Variants in TSPAN16 observed in about 807,000 individuals in gnomAD.
TSPAN16 encodes the protein tetraspanin-16.
TSPAN16 carries 23 observed loss-of-function variants against 25.2 expected under a neutral mutation model. The observed-to-expected ratio is 0.91, with a 90% CI of 0.66 to 1.29. The LOEUF is 1.29. Ranked by LOEUF, TSPAN16 falls within the 50% of genes most tolerant of loss-of-function variation. TSPAN16 has a pLI of 0.00. For missense variants in TSPAN16, 272 were observed against 299.9 expected, an observed-to-expected ratio of 0.91 and a Z score of 0.69; for synonymous variants, 123 against 124.4, an observed-to-expected ratio of 0.99 and a Z score of 0.08.
At chr19:11,309,591 C>G (rs916458280) in intron 5 of TSPAN16, among the ~76,000 whole-genome samples, 4 of 152,194 alleles carry the variant, frequency 2.6e-5, no homozygotes, top group Non-Finnish European at 5.9e-5. Context: ...TTCTGACTTC[C>G]CATCTATAAA....
Position 11,315,675 on chromosome 19 carries a change from A to T in TSPAN16, c.688-116A>T, listed in dbSNP as rs2080741973. 3 of 802,376 alleles carry T rather than the reference A, an allele frequency of 3.7e-6. No homozygotes were observed. The African/African-American group carries it at 5.4e-5, about 14-fold the overall frequency. The allele number at this position is 802,376 out of a possible 1,614,324, so 49.7% of individuals were successfully genotyped here. A position where few individuals can be genotyped will look rare whatever the true frequency, so the allele number is the denominator to read the frequency against. ...AGGCGGTTCTTCAGCCATCTGTAAA[A>T]CCCTGCCCCTCGCCTTTCTGGAACA... On this transcript the variant is annotated intron_variant, in intron 6 of 6. Transcript: ENST00000590327.
chr19:11,324,982 A>G, intron 6 of TSPAN16: 1 of 157,988 alleles, frequency 6.3e-6, no homozygotes, highest in Non-Finnish European at 1.4e-5. Flanking sequence ...GAGGAAGATG[A>G]ACCATCTTCC....
Position 11,298,339 on chromosome 19 carries a change from TG to T in TSPAN16, c.267+1del, listed in dbSNP as rs780909523. 44 of 1,613,518 alleles carry T rather than the reference TG, an allele frequency of 2.7e-5. No homozygotes were observed. In the South Asian group the frequency reaches 4.5e-4, roughly 17 times the overall value. On this transcript the variant is annotated splice_donor_variant, in intron 2 of 6. Transcript: ENST00000590327. LOFTEE classifies it high-confidence loss of function. ...AAGAGAGCAGAGGCACGCTCTTGTTTGTAAGTTGGATCTGCACACAGACCCC... is the reference window on the plus strand; with the variant it reads ...AAGAGAGCAGAGGCACGCTCTTGTTTTAAGTTGGATCTGCACACAGACCCC...
At chr19:11,325,348 C>T (rs1355279640) in intron 6 of TSPAN16, 21 of 1,244,516 alleles carry the variant, frequency 1.7e-5, no homozygotes, top group Non-Finnish European at 2.1e-5. Flanking sequence ...GCCTCGATCA[C>T]AGTCCCTGCC....
chr19:11,305,858 C>T (rs1599336835), intron 4 of TSPAN16, among the ~76,000 whole-genome samples: 1 of 152,200 alleles, frequency 6.6e-6, no homozygotes, highest in East Asian at 1.9e-4. Context: ...CCATTACTGA[C>T]ATGTGAATGA....
downstream of TSPAN16, among the ~76,000 whole-genome samples, chr19:11,319,588 ACT>A (rs1473138660): frequency 3.3e-5 from 5 of 151,690 alleles, no homozygotes; most frequent in East Asian, 2.0e-4. Flanking sequence ...ACAGAGCGAG[ACT>A]CTGTCTCAAA....
Position 11,296,337 on chromosome 19 carries a change from C to T in TSPAN16, c.40C>T (p.Leu14=). The part of the protein sequence containing the change: ...IHTPYSSLKK[L]LSLLNGFVAV... The stretch of plus-strand genomic sequence containing the variant: ...CACTCCGTATTCTTCCTTGAAGAAA[C>T]TGTTATCTTTACTCAATGGCTTCGT... The change falls in exon 1 of 7, where the codon CTG becomes TTG. Residue 14 remains leucine, a synonymous_variant. Transcript: ENST00000590327. 1 of 1,614,178 alleles carries T rather than the reference C, an allele frequency of 6.2e-7. No individual in the cohort carries two copies. Among genetic ancestry groups the T allele is most frequent in the Non-Finnish European group, 8.5e-7 (1 of 1,180,032 alleles).
intron 6 of TSPAN16, among the ~76,000 whole-genome samples, chr19:11,321,631 T>A (rs2080780216): frequency 6.6e-6 from 1 of 151,674 alleles, no homozygotes; most frequent in Non-Finnish European, 1.5e-5. Context: ...TAGGCCAGAG[T>A]GGCCGGAGGG....
chr19:11,318,304 T>C (rs1205255686), downstream of TSPAN16, among the ~76,000 whole-genome samples: 1 of 151,244 alleles, frequency 6.6e-6, no homozygotes, highest in Non-Finnish European at 1.5e-5. Context: ...GGATTACAGG[T>C]GTGAGCCACC....
chr19:11,318,261 G>A (rs1358660433), downstream of TSPAN16, among the ~76,000 whole-genome samples: 1 of 152,044 alleles, frequency 6.6e-6, no homozygotes, highest in African/African-American at 2.4e-5. Flanking sequence ...TTCTGACCTC[G>A]TGATCCGCCC....
downstream of TSPAN16, among the ~76,000 whole-genome samples, chr19:11,320,695 A>G (rs1017485235): frequency 6.6e-6 from 1 of 152,016 alleles, no homozygotes; most frequent in Admixed American, 6.6e-5. Flanking sequence ...AAAGAAAAGA[A>G]AAGAAAAAGA....
intron 6 of TSPAN16, 148 bp from the exon 7 acceptor site, chr19:11,315,643 T>C: frequency 2.3e-6 from 1 of 442,988 alleles, no homozygotes; most frequent in Non-Finnish European, 3.7e-6. Flanking sequence ...TGGCTCCAAC[T>C]TAGCCCAGGC....
At chr19:11,310,924 A>ACCT (rs1173898911) in intron 5 of TSPAN16, among the ~76,000 whole-genome samples, 2 of 151,874 alleles carry the variant, frequency 1.3e-5, no homozygotes, top group Non-Finnish European at 2.9e-5. Context: ...TGCAGCCTTG[A>ACCT]CCTCCTAGGC....
chr19:11,319,857 C>T (rs763116607), downstream of TSPAN16, among the ~76,000 whole-genome samples: 79 of 152,020 alleles, frequency 5.2e-4, no homozygotes, highest in Non-Finnish European at 1.0e-3. Flanking sequence ...CTCTGTCGCC[C>T]AGGCTGGAAT....
At chr19:11,305,893 C>T (rs2080620802) in intron 4 of TSPAN16, among the ~76,000 whole-genome samples, 1 of 152,158 alleles carries the variant, frequency 6.6e-6, no homozygotes, top group African/African-American at 2.4e-5. Flanking sequence ...TCTGGTTCTT[C>T]CGTTACTGAC....
chr19:11,313,561 A>G (rs2147954925), intron 6 of TSPAN16, among the ~76,000 whole-genome samples: 1 of 152,094 alleles, frequency 6.6e-6, no homozygotes, highest in Non-Finnish European at 1.5e-5. Flanking sequence ...TAATAAAAAG[A>G]CAAGTAACCC....
intron 2 of TSPAN16, 23 bp downstream of exon 2, chr19:11,298,362 C>G (rs1169943364): frequency 6.2e-7 from 1 of 1,607,172 alleles, no homozygotes; most frequent in Admixed American, 1.7e-5. Flanking sequence ...TGCACACAGA[C>G]CCCAGAACTG....
downstream of TSPAN16, among the ~76,000 whole-genome samples, chr19:11,317,372 G>C (rs915250305): frequency 6.6e-6 from 1 of 152,184 alleles, no homozygotes; most frequent in African/African-American, 2.4e-5. Flanking sequence ...CTGGAGTGCA[G>C]AGATGTGATT....
intron 1 of TSPAN16, among the ~76,000 whole-genome samples, chr19:11,297,824 A>G (rs537578776): frequency 3.4e-5 from 5 of 147,684 alleles, no homozygotes; most frequent in Admixed American, 6.7e-5. Context: ...CAAGGTCTTG[A>G]TCTGTCATCC....
Sources: gnomAD v4.1 joint callset for allele counts (sites outside exome capture counted in the v4.1 genomes callset) on GRCh38, gnomAD v4.1.1 for gene constraint, MANE v1.5 for transcripts, NCBI Gene and HGNC (gene_info 2026-07-23, HGNC 2026-07-21) for gene names.